The following KCNMB2 variants were observed in gnomAD, a reference collection of about 807,000 sequenced individuals.
KCNMB2 encodes calcium-activated potassium channel subunit beta-2.
In KCNMB2, 9 loss-of-function variants were observed where a neutral mutation model predicts 24.5. The ratio of observed to expected loss-of-function variants is 0.37; its 90% CI spans 0.22 to 0.64. The LOEUF (loss-of-function observed/expected upper bound fraction) is 0.64, where lower values mean the gene tolerates loss of function less well. Ranked by LOEUF, KCNMB2 falls within the 30% of genes least tolerant of loss-of-function variation. The pLI, the probability that KCNMB2 is intolerant of heterozygous loss-of-function variation, is 0.63. For synonymous variants in KCNMB2, 109 were observed against 104.4 expected (o/e 1.04, Z -0.27); for missense variants, 226 against 284.3 (o/e 0.79, Z 1.47).
At position 178,842,676 on chromosome 3, in the gene KCNMB2, A is replaced by T. The variant is rs1411547061; in HGVS notation, c.447A>T (p.Gly149=). The T allele has an allele frequency of 6.2e-7, 1 of 1,612,050 alleles. No individual in the cohort carries two copies. The highest frequency in any genetic ancestry group is 1.1e-5 in the South Asian group (1 of 90,980). ...NQKCSYIPKC[G]KNFEESMSLV... ...AGTGCTCCTATATACCTAAATGTGG[A>T]AAAAATTTTGAAGAATCCATGTCCC... The change falls in exon 5 of 5, where the codon GGA becomes GGT. Residue 149 remains glycine, a synonymous_variant. Transcript: ENST00000452583.
At chr3:178,566,998 C>T (rs947784325) in intron 1 of KCNMB2, among the ~76,000 whole-genome samples, 5 of 152,174 alleles carry the variant, frequency 3.3e-5, no homozygotes, top group African/African-American at 1.2e-4. Context: ...TGAATAATTA[C>T]ACAGATTAAT....
intron 1 of KCNMB2, among the ~76,000 whole-genome samples, chr3:178,703,183 T>C (rs1392460363): frequency 6.6e-6 from 1 of 152,168 alleles, no homozygotes; most frequent in East Asian, 1.9e-4. Flanking sequence ...ATAATATTAA[T>C]AACCATCTAT....
intron 1 of KCNMB2, among the ~76,000 whole-genome samples, chr3:178,741,664 G>A (rs751641892): frequency 2.9e-4 from 44 of 152,230 alleles, no homozygotes; most frequent in East Asian, 5.8e-4. Flanking sequence ...CAGACCAGGC[G>A]TCCACAACCT....
chr3:178,604,323 G>T (rs143885354), intron 1 of KCNMB2, among the ~76,000 whole-genome samples: 4 of 151,386 alleles, frequency 2.6e-5, no homozygotes, highest in African/African-American at 9.7e-5. Flanking sequence ...CCAAAATATG[G>T]AAAATAATGC....
At chr3:178,644,523 G>A (rs890984303) in intron 1 of KCNMB2, among the ~76,000 whole-genome samples, 1 of 152,228 alleles carries the variant, frequency 6.6e-6, no homozygotes, top group Non-Finnish European at 1.5e-5. Flanking sequence ...GCCTGGCTTA[G>A]CAGGCCCTCT....
chr3:178,812,004 T>G (rs1219981325), intron 2 of KCNMB2, among the ~76,000 whole-genome samples: 3 of 152,190 alleles, frequency 2.0e-5, no homozygotes, highest in Non-Finnish European at 4.4e-5. Context: ...TTAAATAATT[T>G]GCAATTATTT....
At chr3:178,626,830 T>C (rs1719136746) in intron 1 of KCNMB2, among the ~76,000 whole-genome samples, 1 of 150,260 alleles carries the variant, frequency 6.7e-6, no homozygotes. Flanking sequence ...TACTATACTA[T>C]AGTATAGTAA....
intron 1 of KCNMB2, among the ~76,000 whole-genome samples, chr3:178,693,810 G>A (rs757820586): frequency 3.6e-4 from 54 of 152,076 alleles, no homozygotes; most frequent in Non-Finnish European, 6.6e-4. Context: ...AATAGTTTCA[G>A]TAGGAATTGT....
intron 1 of KCNMB2, among the ~76,000 whole-genome samples, chr3:178,576,069 G>C (rs548133076): frequency 6.6e-6 from 1 of 152,206 alleles, no homozygotes; most frequent in Admixed American, 6.5e-5. Context: ...TGGCTGAATA[G>C]GAACAGCTCT....
chr3:178,667,086 T>C (rs1720744560), intron 1 of KCNMB2, among the ~76,000 whole-genome samples: 1 of 152,190 alleles, frequency 6.6e-6, no homozygotes, highest in South Asian at 2.1e-4. Flanking sequence ...ATATTTATTT[T>C]ATTTTTTTCA....
intron 1 of KCNMB2, among the ~76,000 whole-genome samples, chr3:178,664,312 G>A (rs1306277010): frequency 6.6e-6 from 1 of 152,104 alleles, no homozygotes; most frequent in Non-Finnish European, 1.5e-5. Flanking sequence ...GTCAACAGAG[G>A]GAAAGATAGG....
chr3:178,551,621 A>T (rs1300503251), intron 1 of KCNMB2, among the ~76,000 whole-genome samples: 1 of 152,216 alleles, frequency 6.6e-6, no homozygotes, highest in Non-Finnish European at 1.5e-5. Flanking sequence ...GTTGCACAAC[A>T]TTTATTGAGC....
intron 1 of KCNMB2, among the ~76,000 whole-genome samples, chr3:178,703,094 A>G (rs1230106146): frequency 2.0e-5 from 3 of 152,206 alleles, no homozygotes; most frequent in African/African-American, 7.2e-5. Flanking sequence ...GATTAATATT[A>G]ACAGGAAAAA....
chr3:178,793,795 A>T (rs1464773385), intron 1 of KCNMB2, among the ~76,000 whole-genome samples: 1 of 152,150 alleles, frequency 6.6e-6, no homozygotes, highest in African/African-American at 2.4e-5. Context: ...TCCCATGCAG[A>T]TGACAGCCAA....
rs758058542 is a variant in KCNMB2, at chr3:178,615,685, G to A, written c.-68+78974G>A. Among the ~76,000 whole-genome samples the A allele has an allele frequency of 5.9e-5, 9 of 152,260 alleles. 1 individual carries two copies. The South Asian group carries it at 1.9e-3, about 32-fold the overall frequency. Reference sequence around the variant, plus strand: ...CTGTCAGGGCAATGGGCTCCCCGCTGGCCTAGGGCAGGTCCAGAAATGCCA... The same window carrying A: ...CTGTCAGGGCAATGGGCTCCCCGCTAGCCTAGGGCAGGTCCAGAAATGCCA... On this transcript the variant is annotated intron_variant, in intron 1 of 4. Coordinates refer to ENST00000452583, the MANE Select transcript of KCNMB2 (RefSeq NM_181361.3).
chr3:178,673,052 T>C (rs1257508576), intron 1 of KCNMB2, among the ~76,000 whole-genome samples: 1 of 152,100 alleles, frequency 6.6e-6, no homozygotes, highest in East Asian at 1.9e-4. Context: ...GTCCCTTGCC[T>C]CCTTATTTTT....
chr3:178,623,564 A>G (rs574437875), intron 1 of KCNMB2, among the ~76,000 whole-genome samples: 1 of 152,342 alleles, frequency 6.6e-6, no homozygotes, highest in South Asian at 2.1e-4. Context: ...TGAATCAGTG[A>G]CAGGTTCAAA....
At chr3:178,608,309 G>A (rs1338936195) in intron 1 of KCNMB2, among the ~76,000 whole-genome samples, 1 of 152,198 alleles carries the variant, frequency 6.6e-6, no homozygotes. Flanking sequence ...TAAAATTGAA[G>A]TGCTCAAATT....
intron 1 of KCNMB2, among the ~76,000 whole-genome samples, chr3:178,689,418 G>A (rs932192391): frequency 7.9e-5 from 12 of 152,072 alleles, no homozygotes; most frequent in Admixed American, 2.6e-4. Flanking sequence ...GGGGGATCAC[G>A]AAGTCAGGAG....
Sources: gnomAD v4.1 joint callset for allele counts (sites outside exome capture counted in the v4.1 genomes callset) on GRCh38, gnomAD v4.1.1 for gene constraint, MANE v1.5 for transcripts, NCBI Gene and HGNC (gene_info 2026-07-23, HGNC 2026-07-21) for gene names.